The following FMO4 variants were observed in gnomAD, a reference collection of about 807,000 sequenced individuals.
The protein encoded by FMO4 is dimethylaniline monooxygenase [N-oxide-forming] 4.
In FMO4, 38 loss-of-function variants were observed where a neutral mutation model predicts 43.3. The ratio of observed to expected loss-of-function variants is 0.88; its 90% confidence interval spans 0.68 to 1.15. The LOEUF (loss-of-function observed/expected upper bound fraction) is 1.15. FMO4 is among the 50% of genes most tolerant of loss of function. The pLI, the probability that FMO4 is intolerant of heterozygous loss-of-function variation, is 0.00. For synonymous variants in FMO4, 224 were observed against 232.2 expected, an observed-to-expected ratio of 0.96 and a Z score of 0.32; for missense variants, 631 against 663.3, an observed-to-expected ratio of 0.95 and a Z score of 0.54.
intron 6 of FMO4, 23 bp downstream of exon 6, chr1:171,331,805 C>T (rs1662911901): frequency 6.2e-7 from 1 of 1,608,776 alleles, no homozygotes; most frequent in Non-Finnish European, 8.5e-7. Context: ...TGAATTAATG[C>T]CCCTAATCCC....
Position 171,342,000 on chromosome 1 carries a change from C to T in FMO4, c.*161C>T, listed in dbSNP as rs890502622. On this transcript the variant is annotated 3_prime_UTR_variant, in exon 10 of 10. Coordinates refer to ENST00000367749, the MANE Select transcript of FMO4 (RefSeq NM_002022.3). ...TTATCTTCTTCTTTGTTTTCAGTAC[C>T]CTCTTTCTTGCCACCCTTTCCAATG... The T allele has an allele frequency of 1.5e-5, 9 of 603,148 alleles. No homozygotes were observed. The highest frequency in any genetic ancestry group is 2.6e-5 in the Non-Finnish European group (9 of 347,466). The allele number at this position is 603,148 out of a possible 1,614,324, so 37.4% of individuals were successfully genotyped here. A position where few individuals can be genotyped will look rare whatever the true frequency, so the allele number is the denominator to read the frequency against.
At chr1:171,324,624 G>C (rs1359876848) in intron 5 of FMO4, among the ~76,000 whole-genome samples, 3 of 151,970 alleles carry the variant, frequency 2.0e-5, no homozygotes, top group Non-Finnish European at 4.4e-5. Flanking sequence ...TTAAATTACA[G>C]GTAATTTGAA....
chr1:171,327,539 A>ATT (rs1051142977), intron 5 of FMO4, among the ~76,000 whole-genome samples: 1 of 149,396 alleles, frequency 6.7e-6, no homozygotes, highest in African/African-American at 2.5e-5. Flanking sequence ...TTGCCCAGGG[A>ATT]TTTTTTTTTT....
intron 9 of FMO4, among the ~76,000 whole-genome samples, chr1:171,338,115 G>T (rs139355193): frequency 2.8e-4 from 42 of 152,196 alleles, no homozygotes; most frequent in African/African-American, 9.6e-4. Flanking sequence ...TCAAAACCAA[G>T]TTCAGTCAAA....
intron 5 of FMO4, among the ~76,000 whole-genome samples, chr1:171,327,630 A>T (rs1052589129): frequency 1.3e-5 from 2 of 152,128 alleles, no homozygotes; most frequent in African/African-American, 2.4e-5. Context: ...ATTCGTTAAT[A>T]CAGACAAGGT....
At chr1:171,318,890 C>G (rs1662298112) in intron 2 of FMO4, among the ~76,000 whole-genome samples, 1 of 152,216 alleles carries the variant, frequency 6.6e-6, no homozygotes, top group Non-Finnish European at 1.5e-5. Flanking sequence ...TTTGCATGTT[C>G]AAACCCCTTA....
At chr1:171,334,832 C>T (rs1663055973) in intron 8 of FMO4, 69 bp downstream of exon 8, 1 of 859,976 alleles carries the variant, frequency 1.2e-6, no homozygotes, top group Non-Finnish European at 1.8e-6. Context: ...TAGCTAAAAT[C>T]AAACAGATGT....
intron 5 of FMO4, among the ~76,000 whole-genome samples, chr1:171,331,165 C>T (rs1032228201): frequency 1.3e-5 from 2 of 152,106 alleles, no homozygotes; most frequent in Non-Finnish European, 2.9e-5. Context: ...CATCAACAAC[C>T]TACTGTTTTT....
chr1:171,315,370 T>G (rs1387431938), intron 1 of FMO4, among the ~76,000 whole-genome samples: 2 of 152,064 alleles, frequency 1.3e-5, no homozygotes, highest in South Asian at 2.1e-4. Flanking sequence ...TTGCAGAGTT[T>G]GCACACACGT....
At chr1:171,324,714 A>C (rs1401603628) in intron 5 of FMO4, among the ~76,000 whole-genome samples, 1 of 152,170 alleles carries the variant, frequency 6.6e-6, no homozygotes, top group East Asian at 1.9e-4. Flanking sequence ...GAAATTAAAC[A>C]TGTAAAGCAA....
At chr1:171,339,645 T>C (rs551650246) in intron 9 of FMO4, among the ~76,000 whole-genome samples, 2 of 152,104 alleles carry the variant, frequency 1.3e-5, no homozygotes, top group Non-Finnish European at 2.9e-5. Flanking sequence ...AGCTAGCAGA[T>C]GCCCGGAGAA....
At chr1:171,337,474 C>G in intron 9 of FMO4, 49 bp downstream of exon 9, 3 of 1,271,108 alleles carry the variant, frequency 2.4e-6, no homozygotes, top group Non-Finnish European at 3.4e-6. Flanking sequence ...TATTCTGTTA[C>G]AAAAAAAGGA....
chr1:171,336,351 T>G (rs1204677428), intron 8 of FMO4, among the ~76,000 whole-genome samples: 1 of 152,020 alleles, frequency 6.6e-6, no homozygotes, highest in Non-Finnish European at 1.5e-5. Context: ...GATTTTAGTC[T>G]CTGGGGAAGC....
At chr1:171,331,509 C>A in intron 5 of FMO4, 131 bp from the exon 6 acceptor site, 1 of 776,678 alleles carries the variant, frequency 1.3e-6, no homozygotes, top group Non-Finnish European at 2.1e-6. Flanking sequence ...TTTCTACTTC[C>A]TGCCACAAGC....
intron 5 of FMO4, among the ~76,000 whole-genome samples, chr1:171,326,488 A>G (rs555293352): frequency 1.3e-5 from 2 of 152,244 alleles, no homozygotes; most frequent in East Asian, 1.9e-4. Flanking sequence ...CTTGGGAAAC[A>G]TTTCCAAGTT....
At chr1:171,331,129 A>C (rs968004524) in intron 5 of FMO4, among the ~76,000 whole-genome samples, 2 of 152,242 alleles carry the variant, frequency 1.3e-5, no homozygotes, top group Non-Finnish European at 2.9e-5. Flanking sequence ...TTCTGATAGA[A>C]TATATCTATT....
At chr1:171,333,008 T>G in intron 7 of FMO4, 100 bp downstream of exon 7, 1 of 689,616 alleles carries the variant, frequency 1.5e-6, no homozygotes, top group Non-Finnish European at 2.5e-6. Flanking sequence ...ATATTGCCTT[T>G]GTTTATTCTA....
At position 171,341,548 on chromosome 1, in the gene FMO4, C is replaced by T. The variant is rs748969071; in HGVS notation, c.1386C>T (p.Phe462=). 1 of 1,614,036 alleles carries T rather than the reference C, an allele frequency of 6.2e-7. No homozygotes were observed. Among genetic ancestry groups the T allele is most frequent in the South Asian group, 1.1e-5 (1 of 91,082 alleles). ...LKDPRLAWEV[F]FGPCTPYQYR... ...ATCCCAGACTAGCTTGGGAAGTTTT[C>T]TTTGGACCATGTACTCCTTATCAGT... is the stretch of plus-strand genomic sequence containing the variant. Residue 462 remains phenylalanine, a synonymous_variant, in exon 10 of 10, where the codon TTC becomes TTT. Transcript: ENST00000367749.
rs915403483 is a variant in FMO4 at position 171,318,894 on chromosome 1, C to A, written c.-8-924C>A. Reference sequence around the variant, plus strand: ...GGTGTGGCTTGTTTGCATGTTCAAACCCCTTATGGGAAGGGGAGCATGCAG... The same window carrying A: ...GGTGTGGCTTGTTTGCATGTTCAAAACCCTTATGGGAAGGGGAGCATGCAG... On this transcript the variant is annotated intron_variant, in intron 2 of 9. Coordinates refer to ENST00000367749, the MANE Select transcript of FMO4 (RefSeq NM_002022.3). Among the ~76,000 whole-genome samples, 3 of 152,268 alleles carry A rather than the reference C, an allele frequency of 2.0e-5. 1 individual carries two copies. Among genetic ancestry groups the A allele is most frequent in the African/African-American group, 7.2e-5 (3 of 41,578 alleles).
Sources: allele counts gnomAD v4.1 joint callset (sites outside exome capture counted in the v4.1 genomes callset), GRCh38; gene constraint gnomAD v4.1.1; transcripts MANE v1.5; gene names NCBI Gene and HGNC (gene_info 2026-07-23, HGNC 2026-07-21).